Variants in GRIK1 observed in about 807,000 individuals in gnomAD.
The protein encoded by GRIK1 is glutamate ionotropic receptor kainate type subunit 1.
GRIK1 carries 69 observed loss-of-function variants against 105.7 expected under a neutral mutation model. That is an observed-to-expected ratio of 0.65 (90% CI 0.54 to 0.80). The LOEUF (loss-of-function observed/expected upper bound fraction) is 0.80, where lower values mean the gene tolerates loss of function less well. Among genes scored for constraint, GRIK1 ranks in the 30% least tolerant of loss-of-function variants. The probability of loss-of-function intolerance (pLI) is 0.00; values close to 1 mark genes in which losing one functional copy is unlikely to be tolerated. For synonymous variants in GRIK1, 438 were observed against 431.3 expected (o/e 1.02, Z -0.19); for missense variants, 1,109 against 1,167.3 (o/e 0.95, Z 0.73).
chr21:29,854,115 T>C (rs550214198), intron 1 of GRIK1, among the ~76,000 whole-genome samples: 11 of 152,266 alleles, frequency 7.2e-5, no homozygotes, highest in African/African-American at 2.6e-4. Context: ...ACAAGAAGCA[T>C]GATGCCTTCT....
intron 1 of GRIK1, among the ~76,000 whole-genome samples, chr21:29,716,232 T>C (rs147071621): frequency 2.0e-5 from 3 of 152,288 alleles, no homozygotes; most frequent in South Asian, 2.1e-4. Flanking sequence ...CCATCTCAGG[T>C]ATTTCTTCAT....
chr21:29,867,390 G>T (rs2068835593), intron 1 of GRIK1, among the ~76,000 whole-genome samples: 1 of 152,142 alleles, frequency 6.6e-6, no homozygotes, highest in Non-Finnish European at 1.5e-5. Flanking sequence ...GCAGAAAAGG[G>T]ATAGGAGGGC....
intron 1 of GRIK1, among the ~76,000 whole-genome samples, chr21:29,822,838 T>C (rs1264135047): frequency 6.6e-6 from 1 of 152,040 alleles, no homozygotes; most frequent in Non-Finnish European, 1.5e-5. Flanking sequence ...TTTACTAGCT[T>C]GCTACTATTT....
At chr21:29,611,912 G>A (rs989719851) in intron 7 of GRIK1, among the ~76,000 whole-genome samples, 1 of 152,186 alleles carries the variant, frequency 6.6e-6, no homozygotes, top group African/African-American at 2.4e-5. Flanking sequence ...TGAAGTGTGA[G>A]TTGCCCAAGT....
At chr21:29,890,986 T>TAA (rs2069876282) in intron 1 of GRIK1, among the ~76,000 whole-genome samples, 2 of 152,178 alleles carry the variant, frequency 1.3e-5, no homozygotes, top group Non-Finnish European at 2.9e-5. Context: ...TAGCTAATAC[T>TAA]GAGGAGACTA....
intron 1 of GRIK1, among the ~76,000 whole-genome samples, chr21:29,880,677 G>A (rs919867322): frequency 6.6e-6 from 1 of 150,946 alleles, no homozygotes; most frequent in Non-Finnish European, 1.5e-5. Flanking sequence ...CACAATGGTG[G>A]AGATCTGCAG....
At chr21:29,605,087 T>C (rs940779377) in intron 7 of GRIK1, among the ~76,000 whole-genome samples, 4 of 152,130 alleles carry the variant, frequency 2.6e-5, no homozygotes, top group Admixed American at 6.6e-5. Flanking sequence ...AGATCAGGGG[T>C]ACATGTGCGG....
chr21:29,712,079 T>TACAC (rs1340092106), intron 1 of GRIK1, among the ~76,000 whole-genome samples: 35 of 30,340 alleles, frequency 1.2e-3, no homozygotes, highest in African/African-American at 1.6e-3. Context: ...TATGTATACA[T>TACAC]ACATACACAC....
At chr21:29,639,880 C>G (rs2062474556) in intron 7 of GRIK1, among the ~76,000 whole-genome samples, 2 of 152,128 alleles carry the variant, frequency 1.3e-5, no homozygotes, top group Non-Finnish European at 2.9e-5. Flanking sequence ...GTAACATACT[C>G]TATCATGTTT....
intron 1 of GRIK1, among the ~76,000 whole-genome samples, chr21:29,909,323 A>G (rs1602017809): frequency 6.6e-6 from 1 of 152,014 alleles, no homozygotes; most frequent in East Asian, 1.9e-4. Context: ...TAAAATATTT[A>G]ATCAAATTAT....
At chr21:29,764,335 TTCC>T (rs1372283090) in intron 1 of GRIK1, among the ~76,000 whole-genome samples, 1 of 152,194 alleles carries the variant, frequency 6.6e-6, no homozygotes, top group African/African-American at 2.4e-5. Context: ...CTTTATTTAT[TTCC>T]TCCCTTAGCA....
chr21:29,769,533 C>T (rs2065759908), intron 1 of GRIK1, among the ~76,000 whole-genome samples: 1 of 152,102 alleles, frequency 6.6e-6, no homozygotes, highest in East Asian at 1.9e-4. Flanking sequence ...CTACATCCCT[C>T]CCATGCGCAG....
intron 1 of GRIK1, among the ~76,000 whole-genome samples, chr21:29,715,027 G>T (rs184247787): frequency 7.9e-5 from 12 of 152,272 alleles, no homozygotes; most frequent in Admixed American, 7.2e-4. Flanking sequence ...GTAGTGAATT[G>T]TAGCATGATA....
At chr21:29,882,086 TAAAC>T (rs1034033201) in intron 1 of GRIK1, among the ~76,000 whole-genome samples, 4 of 151,888 alleles carry the variant, frequency 2.6e-5, no homozygotes, top group Non-Finnish European at 5.9e-5. Flanking sequence ...AGAGACAAAT[TAAAC>T]AAACAAACAA....
chr21:29,816,882 G>T (rs2067168473), intron 1 of GRIK1, among the ~76,000 whole-genome samples: 1 of 152,072 alleles, frequency 6.6e-6, no homozygotes, highest in African/African-American at 2.4e-5. Context: ...GCAGAGTAGG[G>T]TGACTATAGT....
At chr21:29,574,249 C>G (rs1458569918) in intron 14 of GRIK1, among the ~76,000 whole-genome samples, 1 of 152,200 alleles carries the variant, frequency 6.6e-6, no homozygotes, top group African/African-American at 2.4e-5. Flanking sequence ...GTGCATAGAT[C>G]CTGTGTACAG....
In GRIK1 at chr21:29,780,724, T is replaced by G. The variant is rs554464793; in HGVS notation, c.119-86661A>C. 8.1e-4 allele frequency among the ~76,000 whole-genome samples: 124 copies of G among 152,364 alleles called. 1 individual carries two copies. The highest frequency in any genetic ancestry group is 2.7e-3 in the African/African-American group (113 of 41,584). ...TGTTTCTGATGATTAGATATTGTTC[T>G]TAATTGCAGAAGAAGCACCTTATGG... On this transcript the variant is annotated intron_variant, in intron 1 of 17. Coordinates refer to ENST00000327783, the MANE Select transcript of GRIK1 (RefSeq NM_001330994.2).
chr21:29,856,794 C>T (rs1374441346), intron 1 of GRIK1, among the ~76,000 whole-genome samples: 3 of 152,080 alleles, frequency 2.0e-5, no homozygotes, highest in Non-Finnish European at 4.4e-5. Context: ...AGGTAGCTTA[C>T]AGAAATCTCA....
chr21:29,931,822 GA>G (rs2071576524), intron 1 of GRIK1, among the ~76,000 whole-genome samples: 2 of 152,106 alleles, frequency 1.3e-5, no homozygotes, highest in Admixed American at 1.3e-4. Context: ...TCAATCATTA[GA>G]TAAAATAGGT....
Sources: allele counts gnomAD v4.1 joint callset (sites outside exome capture counted in the v4.1 genomes callset), GRCh38; gene constraint gnomAD v4.1.1; transcripts MANE v1.5; gene names NCBI Gene and HGNC (gene_info 2026-07-23, HGNC 2026-07-21).